Variants in OXR1 observed in about 807,000 individuals in gnomAD.
OXR1 encodes oxidation resistance protein 1.
OXR1 carries 41 observed loss-of-function variants against 104.6 expected under a neutral mutation model. The observed-to-expected ratio is 0.39, with a 90% confidence interval of 0.31 to 0.51. OXR1 has a LOEUF of 0.51. Among genes scored for constraint, OXR1 ranks in the 20% least tolerant of loss-of-function variants. The probability of loss-of-function intolerance (pLI) is 0.77; values close to 1 mark genes in which losing one functional copy is unlikely to be tolerated. For missense variants in OXR1, 955 were observed against 1,031.9 expected (o/e 0.93, Z 1.02); for synonymous variants, 348 against 348.4 (o/e 1.00, Z 0.01).
chr8:106,570,261 A>C (rs1003253218), intron 3 of OXR1, among the ~76,000 whole-genome samples: 6 of 152,204 alleles, frequency 3.9e-5, no homozygotes, highest in African/African-American at 1.4e-4. Context: ...TTTAGAATAC[A>C]TAGTCCTGGA....
chr8:106,471,298 G>A (rs1312344556), intron 2 of OXR1, among the ~76,000 whole-genome samples: 1 of 151,626 alleles, frequency 6.6e-6, no homozygotes, highest in Non-Finnish European at 1.5e-5. Context: ...TTAATAATTA[G>A]CAATAATTTA....
At chr8:106,554,516 TC>T (rs1405358939) in intron 3 of OXR1, among the ~76,000 whole-genome samples, 1 of 152,220 alleles carries the variant, frequency 6.6e-6, no homozygotes, top group Non-Finnish European at 1.5e-5. Context: ...GTTAAAATAT[TC>T]TGTCACATGT....
At chr8:106,315,617 G>T (rs1813896951) in intron 1 of OXR1, among the ~76,000 whole-genome samples, 1 of 152,160 alleles carries the variant, frequency 6.6e-6, no homozygotes, top group Non-Finnish European at 1.5e-5. Context: ...GCAATCAGTG[G>T]CACCTTAGAA....
intron 2 of OXR1, among the ~76,000 whole-genome samples, chr8:106,362,196 A>G (rs1283255108): frequency 6.6e-6 from 1 of 152,112 alleles, no homozygotes; most frequent in Non-Finnish European, 1.5e-5. Flanking sequence ...CAATGTTACC[A>G]CTGAGCTTCT....
chr8:106,741,072 A>T (rs1203701203), intron 14 of OXR1, among the ~76,000 whole-genome samples: 1 of 152,144 alleles, frequency 6.6e-6, no homozygotes, highest in African/African-American at 2.4e-5. Context: ...TATGTTATTT[A>T]ATCATGAAAG....
At chr8:106,441,187 C>T (rs999710943) in intron 2 of OXR1, among the ~76,000 whole-genome samples, 1 of 152,054 alleles carries the variant, frequency 6.6e-6, no homozygotes, top group Non-Finnish European at 1.5e-5. Context: ...TTCCCCATTG[C>T]TTGTTTTTGT....
intron 3 of OXR1, among the ~76,000 whole-genome samples, chr8:106,637,305 A>G (rs1823223347): frequency 6.6e-6 from 1 of 151,758 alleles, no homozygotes; most frequent in South Asian, 2.1e-4. Flanking sequence ...GTTATGTCAA[A>G]AGAAAGAACT....
At chr8:106,472,158 C>T (rs77183775) in intron 2 of OXR1, among the ~76,000 whole-genome samples, 3,069 of 151,766 alleles carry the variant, frequency 0.02, 62 homozygotes, top group East Asian at 0.081. Flanking sequence ...TTTTAAAGAA[C>T]GTTTGAGTGA....
At chr8:106,530,180 T>C (rs1813989466) in intron 3 of OXR1, among the ~76,000 whole-genome samples, 1 of 152,250 alleles carries the variant, frequency 6.6e-6, no homozygotes, top group Non-Finnish European at 1.5e-5. Context: ...TTTAGGAGTA[T>C]GAATTTAAAG....
At chr8:106,487,400 A>G (rs1268604519) in intron 2 of OXR1, among the ~76,000 whole-genome samples, 1 of 146,194 alleles carries the variant, frequency 6.8e-6, no homozygotes, top group Non-Finnish European at 1.5e-5. Context: ...ACAATTGTAC[A>G]TATTTATGGG....
chr8:106,589,595 C>T (rs1289405774), intron 3 of OXR1, among the ~76,000 whole-genome samples: 1 of 152,096 alleles, frequency 6.6e-6, no homozygotes, highest in Admixed American at 6.5e-5. Flanking sequence ...ACGCAGCACC[C>T]AATGTAGAAA....
intron 3 of OXR1, among the ~76,000 whole-genome samples, chr8:106,657,318 TA>T (rs10709844): frequency 0.59 from 87,059 of 146,764 alleles, 26,207 homozygotes; most frequent in African/African-American, 0.77. Flanking sequence ...TCCTTAAACA[TA>T]AAAAAAAAAA....
intron 3 of OXR1, chr8:106,657,958 C>T (rs2131063420): frequency 3.2e-6 from 4 of 1,248,344 alleles, no homozygotes; most frequent in Non-Finnish European, 3.0e-6. Context: ...CCTCCTGGGC[C>T]CCAGTTCCGC....
intron 2 of OXR1, among the ~76,000 whole-genome samples, chr8:106,420,837 C>T (rs1231889742): frequency 1.3e-5 from 2 of 151,258 alleles, no homozygotes; most frequent in East Asian, 3.9e-4. Context: ...TCAGACAATT[C>T]AGAATGTAAA....
At chr8:106,700,434 C>T (rs1387526601) in intron 7 of OXR1, among the ~76,000 whole-genome samples, 1 of 152,058 alleles carries the variant, frequency 6.6e-6, no homozygotes, top group Non-Finnish European at 1.5e-5. Context: ...CGCAGAAAGC[C>T]CCAGCTGTAT....
chr8:106,431,261 A>C (rs1819347720), intron 2 of OXR1, among the ~76,000 whole-genome samples: 1 of 152,082 alleles, frequency 6.6e-6, no homozygotes, highest in African/African-American at 2.4e-5. Flanking sequence ...CATGAGATTT[A>C]ATGATGATAA....
At chr8:106,706,102 GT>G (rs1263039781) in intron 8 of OXR1, among the ~76,000 whole-genome samples, 2 of 152,094 alleles carry the variant, frequency 1.3e-5, no homozygotes, top group East Asian at 3.9e-4. Context: ...TTCCCTTCAA[GT>G]GGATTACTTG....
chr8:106,656,134 A>C (rs1297678578), intron 3 of OXR1: 1 of 152,220 alleles, frequency 6.6e-6, no homozygotes, highest in East Asian at 1.9e-4. Context: ...CATTGAACTC[A>C]GAAGTAGTGT....
intron 3 of OXR1, among the ~76,000 whole-genome samples, chr8:106,574,119 A>T (rs901998893): frequency 6.6e-6 from 1 of 152,174 alleles, no homozygotes; most frequent in Non-Finnish European, 1.5e-5. Context: ...ATGGTAACTT[A>T]ATATTCTAAG....
Sources: gnomAD v4.1 joint callset for allele counts (sites outside exome capture counted in the v4.1 genomes callset) on GRCh38, gnomAD v4.1.1 for gene constraint, MANE v1.5 for transcripts, NCBI Gene and HGNC (gene_info 2026-07-23, HGNC 2026-07-21) for gene names.